RASGRF2: variants seen among roughly 807,000 people sequenced by gnomAD.
The protein encoded by RASGRF2 is Ras protein specific guanine nucleotide releasing factor 2, also known as ras-specific guanine nucleotide-releasing factor 2.
In RASGRF2, 76 loss-of-function variants were observed where a neutral mutation model predicts 151.0. The observed-to-expected ratio is 0.50, with a 90% confidence interval of 0.42 to 0.61. The LOEUF (loss-of-function observed/expected upper bound fraction) is 0.61, where lower values mean the gene tolerates loss of function less well. Ranked by LOEUF, RASGRF2 falls within the 20% of genes least tolerant of loss-of-function variation. RASGRF2 has a pLI of 0.00. For synonymous variants in RASGRF2, 504 were observed against 566.5 expected, an observed-to-expected ratio of 0.89 and a Z score of 1.57; for missense variants, 1,148 against 1,564.6, an observed-to-expected ratio of 0.73 and a Z score of 4.49.
chr5:81,071,554 C>T lies in RASGRF2; in HGVS notation c.633+973C>T, dbSNP rs755675233. Among the ~76,000 whole-genome samples, 35 of 151,978 alleles carry T rather than the reference C, an allele frequency of 2.3e-4. 1 individual carries two copies. The highest frequency in any genetic ancestry group is 4.1e-4 in the Non-Finnish European group (28 of 67,998). ...CTTTTTTACAACTTTAAATATTGCT[C>T]AGAATTTGAAATAGAAATGATTCTT... On this transcript the variant is annotated intron_variant, in intron 4 of 26. Transcript: ENST00000265080.
At chr5:81,010,919 A>G (rs1749438624) in intron 1 of RASGRF2, among the ~76,000 whole-genome samples, 1 of 152,238 alleles carries the variant, frequency 6.6e-6, no homozygotes, top group Admixed American at 6.5e-5. Flanking sequence ...AAATAAATGC[A>G]TACCAAATAG....
rs574994073 is a variant in RASGRF2 at position 81,143,449 on chromosome 5, G to GA, written c.2686+16294dup. On this transcript the variant is annotated intron_variant, in intron 17 of 26. Transcript: ENST00000265080. ...AGGTATGAGCCAACACACCTGGCCT[G>GA]AAAAAAAATACAAATTTTTTAATAA... Among the ~76,000 whole-genome samples the GA allele has an allele frequency of 6.6e-5, 10 of 151,530 alleles. No individual in the cohort carries two copies. The East Asian group carries it at 1.2e-3, about 18-fold the overall frequency.
chr5:81,112,583 C>G, intron 13 of RASGRF2, 27 bp from the exon 14 acceptor site: 1 of 1,611,636 alleles, frequency 6.2e-7, no homozygotes, highest in Non-Finnish European at 8.5e-7. Flanking sequence ...CCTGGTTTTA[C>G]CATCATGTTC....
intron 1 of RASGRF2, among the ~76,000 whole-genome samples, chr5:80,967,572 C>G (rs922402629): frequency 6.6e-6 from 1 of 152,008 alleles, no homozygotes; most frequent in Non-Finnish European, 1.5e-5. Flanking sequence ...TTATTATTTT[C>G]AGGGTACTGA....
chr5:81,017,883 A>G (rs1252936616), intron 1 of RASGRF2, among the ~76,000 whole-genome samples: 2 of 152,198 alleles, frequency 1.3e-5, no homozygotes, highest in Admixed American at 1.3e-4. Flanking sequence ...GGATCACTTC[A>G]GGTCAGGAGT....
In RASGRF2 at chr5:80,969,701, T is replaced by A. The variant is rs185019928; in HGVS notation, c.288+8675T>A. On this transcript the variant is annotated intron_variant, in intron 1 of 26. Transcript: ENST00000265080. ...CTCCTGACCTCGTGATCCGCCCGTC[T>A]CGGCCTCCCAAAGTGCTGGGATTAC... 2.9e-3 allele frequency among the ~76,000 whole-genome samples: 445 copies of A among 151,658 alleles called. 3 individuals carry two copies. The highest frequency in any genetic ancestry group is 0.01 in the African/African-American group (421 of 41,304).
At chr5:80,969,881 C>G (rs868770395) in intron 1 of RASGRF2, among the ~76,000 whole-genome samples, 1 of 124,028 alleles carries the variant, frequency 8.1e-6, no homozygotes, top group Non-Finnish European at 1.6e-5. Flanking sequence ...GGCTGGAGTG[C>G]AATGGTGCGA....
At chr5:81,020,667 G>A (rs1749795208) in intron 1 of RASGRF2, among the ~76,000 whole-genome samples, 1 of 152,176 alleles carries the variant, frequency 6.6e-6, no homozygotes, top group East Asian at 1.9e-4. Flanking sequence ...AAGGCTCCAG[G>A]GGAGGATTCT....
intron 17 of RASGRF2, among the ~76,000 whole-genome samples, chr5:81,178,621 A>G (rs1754836855): frequency 6.6e-6 from 1 of 152,206 alleles, no homozygotes; most frequent in Admixed American, 6.5e-5. Flanking sequence ...GGATATAGGG[A>G]CATGAAGGTT....
At position 81,226,537 on chromosome 5, in the gene RASGRF2, G is replaced by A. The variant is rs1756004472; in HGVS notation, c.*767G>A. 6.6e-6 allele frequency: 1 copy of A among 152,156 alleles called. No homozygotes were observed. The highest frequency in any genetic ancestry group is 2.4e-5 in the African/African-American group (1 of 41,434). The allele number at this position is 152,156 out of a possible 1,614,324, so 9.4% of individuals were successfully genotyped here. Reference sequence around the variant, plus strand: ...GTCCTAAGAAGCCAGCCCTTTTGGAGAGGCAGCTGCAAAAAGGTGCACGCC... The same window carrying A: ...GTCCTAAGAAGCCAGCCCTTTTGGAAAGGCAGCTGCAAAAAGGTGCACGCC... On this transcript the variant is annotated 3_prime_UTR_variant, in exon 27 of 27. Transcript: ENST00000265080.
intron 22 of RASGRF2, among the ~76,000 whole-genome samples, chr5:81,210,965 G>A (rs1755616732): frequency 6.6e-6 from 1 of 152,038 alleles, no homozygotes; most frequent in Admixed American, 6.6e-5. Context: ...GGGCAACATA[G>A]TGAGACCCTG....
In RASGRF2 at chr5:81,228,410, G is replaced by C. The variant is rs1242621938; in HGVS notation, c.*2640G>C. On this transcript the variant is annotated 3_prime_UTR_variant, in exon 27 of 27. Transcript: ENST00000265080. ...TTGGTCAAATTAAAAATCCCCAAGAGCAATTTGCAGTGTTTTTTCTGGTCG... is the reference window on the plus strand; with the variant it reads ...TTGGTCAAATTAAAAATCCCCAAGACCAATTTGCAGTGTTTTTTCTGGTCG... 6.6e-6 allele frequency: 1 copy of C among 152,128 alleles called. No homozygotes were observed. Among genetic ancestry groups the C allele is most frequent in the Non-Finnish European group, 1.5e-5 (1 of 68,022 alleles). 9.4% of individuals were successfully genotyped at this position (152,128 alleles called of 1,614,324 possible). A position where few individuals can be genotyped will look rare whatever the true frequency, so the allele number is the denominator to read the frequency against.
intron 5 of RASGRF2, among the ~76,000 whole-genome samples, chr5:81,076,703 A>G (rs2592095): frequency 3.1e-3 from 370 of 120,224 alleles, no homozygotes; most frequent in Middle Eastern, 0.028. Context: ...AAGGACATCC[A>G]CTGATGGGGC....
intron 23 of RASGRF2, 105 bp downstream of exon 23, chr5:81,212,668 C>A: frequency 1.8e-6 from 2 of 1,142,012 alleles, no homozygotes; most frequent in Non-Finnish European, 2.4e-6. Flanking sequence ...CTGAAATGAG[C>A]CGCTCAGTTG....
At chr5:81,030,387 G>A (rs369736163) in intron 1 of RASGRF2, among the ~76,000 whole-genome samples, 106 of 152,240 alleles carry the variant, frequency 7.0e-4, no homozygotes, top group African/African-American at 2.5e-3. Context: ...AAAATATTGA[G>A]GGCAGCCAGG....
At chr5:81,134,154 T>C (rs1257362912) in intron 17 of RASGRF2, among the ~76,000 whole-genome samples, 2 of 151,470 alleles carry the variant, frequency 1.3e-5, no homozygotes, top group Non-Finnish European at 2.9e-5. Flanking sequence ...GGTAAAAATT[T>C]GGATTTTCCA....
intron 15 of RASGRF2, among the ~76,000 whole-genome samples, chr5:81,116,594 G>A (rs952040012): frequency 1.4e-4 from 22 of 152,106 alleles, no homozygotes; most frequent in African/African-American, 4.8e-4. Context: ...GTATCTTTAA[G>A]TGTATAGCTC....
At chr5:81,173,098 C>T (rs562794793) in intron 17 of RASGRF2, among the ~76,000 whole-genome samples, 4 of 152,144 alleles carry the variant, frequency 2.6e-5, no homozygotes, top group Non-Finnish European at 2.9e-5. Flanking sequence ...GCAGTTAGGC[C>T]GGGCGCAGTG....
chr5:81,065,143 G>A (rs1223840812), intron 2 of RASGRF2, among the ~76,000 whole-genome samples: 2 of 152,122 alleles, frequency 1.3e-5, no homozygotes, highest in Non-Finnish European at 2.9e-5. Context: ...TCGTAGCCTC[G>A]TGACATCCTG....
Sources: allele counts gnomAD v4.1 joint callset (sites outside exome capture counted in the v4.1 genomes callset), GRCh38; gene constraint gnomAD v4.1.1; transcripts MANE v1.5; gene names NCBI Gene and HGNC (gene_info 2026-07-23, HGNC 2026-07-21).